The following XKR6 variants were observed in gnomAD, a reference collection of about 807,000 sequenced individuals.
XKR6 encodes the protein XK-related protein 6.
In XKR6, 22 loss-of-function variants were observed where a neutral mutation model predicts 56.7. The ratio of observed to expected loss-of-function variants is 0.39; its 90% CI spans 0.28 to 0.55. The LOEUF (loss-of-function observed/expected upper bound fraction) is 0.55. XKR6 is among the 20% of genes least tolerant of loss of function. The probability of loss-of-function intolerance (pLI) is 0.66; values close to 1 mark genes in which losing one functional copy is unlikely to be tolerated. For synonymous variants in XKR6, 524 were observed against 387.8 expected, an observed-to-expected ratio of 1.35 and a Z score of -4.13; for missense variants, 852 against 889.0, an observed-to-expected ratio of 0.96 and a Z score of 0.53.
At chr8:10,981,289 T>C (rs746712963) in intron 1 of XKR6, among the ~76,000 whole-genome samples, 37 of 152,212 alleles carry the variant, frequency 2.4e-4, no homozygotes, top group Non-Finnish European at 4.8e-4. Context: ...ATTGCTCCCA[T>C]GGCAGGATTA....
intron 2 of XKR6, among the ~76,000 whole-genome samples, chr8:10,912,411 G>A (rs1375941911): frequency 7.6e-6 from 1 of 131,184 alleles, no homozygotes; most frequent in Admixed American, 8.0e-5. Flanking sequence ...TATATAAAGA[G>A]AGTGAGCATA....
rs560775983 is a variant in XKR6 at position 11,018,359 on chromosome 8, G to C, written c.765-93529C>G. On this transcript the variant is annotated intron_variant, in intron 1 of 2. Transcript: ENST00000416569. ...TGCTGTGCACAGCTCCTCACCTGCAGAGATATTTGACAGGCAGCATCCCAG... is the reference window on the plus strand; with the variant it reads ...TGCTGTGCACAGCTCCTCACCTGCACAGATATTTGACAGGCAGCATCCCAG... Among the ~76,000 whole-genome samples, 11 of 152,330 alleles carry C rather than the reference G, an allele frequency of 7.2e-5. No individual in the cohort carries two copies. The South Asian group carries it at 2.1e-3, about 29-fold the overall frequency.
At chr8:11,165,534 C>T (rs1037500549) in intron 1 of XKR6, among the ~76,000 whole-genome samples, 7 of 152,172 alleles carry the variant, frequency 4.6e-5, no homozygotes, top group African/African-American at 1.7e-4. Flanking sequence ...AGATGGCATG[C>T]TCTCTTGGGC....
chr8:10,911,950 G>C lies in XKR6; in HGVS notation c.961+12684C>G, dbSNP rs1004792529. Among the ~76,000 whole-genome samples, 27 of 149,084 alleles carry C rather than the reference G, an allele frequency of 1.8e-4. 1 individual carries two copies. Among genetic ancestry groups the C allele is most frequent in the African/African-American group, 6.7e-4 (27 of 40,572 alleles). On this transcript the variant is annotated intron_variant, in intron 2 of 2. Coordinates refer to ENST00000416569, the MANE Select transcript of XKR6 (RefSeq NM_173683.4). ...GAGACTGTATACATATATGTAGAGA[G>C]AGAGGTTGAGTTTACACATATATAT...
At chr8:11,058,560 C>A (rs1323359275) in intron 1 of XKR6, among the ~76,000 whole-genome samples, 3 of 152,158 alleles carry the variant, frequency 2.0e-5, no homozygotes, top group African/African-American at 4.8e-5. Context: ...AGCTGGAAGC[C>A]ATCATTCTCA....
intron 1 of XKR6, among the ~76,000 whole-genome samples, chr8:11,006,938 A>G (rs1252691032): frequency 6.6e-6 from 1 of 152,216 alleles, no homozygotes; most frequent in Non-Finnish European, 1.5e-5. Flanking sequence ...GATTGGTCCA[A>G]GTCAAGCAGT....
At chr8:11,149,431 A>C (rs1055556169) in intron 1 of XKR6, among the ~76,000 whole-genome samples, 15 of 152,230 alleles carry the variant, frequency 9.9e-5, no homozygotes, top group African/African-American at 1.4e-4. Context: ...CTGTACACCA[A>C]AATGTCATTA....
intron 1 of XKR6, among the ~76,000 whole-genome samples, chr8:10,983,466 T>C (rs554725537): frequency 1.3e-4 from 19 of 151,828 alleles, no homozygotes; most frequent in Non-Finnish European, 2.8e-4. Flanking sequence ...AAAACCAACC[T>C]CTGGAAAGAT....
chr8:11,066,083 G>A (rs561468458), intron 1 of XKR6, among the ~76,000 whole-genome samples: 9 of 152,202 alleles, frequency 5.9e-5, no homozygotes, highest in African/African-American at 1.2e-4. Context: ...TGACTTTGGC[G>A]TTTTCCGTTG....
rs539608514 is a variant in XKR6, at chr8:11,200,324, GC to G, written c.764+251del. On this transcript the variant is annotated intron_variant, in intron 1 of 2. Transcript: ENST00000416569. This position sits in a 1 kb window ranked among gnomAD's most constrained non-coding sequence, Gnocchi z 6.4. The stretch of plus-strand genomic sequence containing the variant: ...GAGGGGACGGGGAGGGCAGGTTGGG[GC>G]AAGAGCCCCGCCGAGTGCGAAGCGG... Among the ~76,000 whole-genome samples the G allele has an allele frequency of 3.3e-5, 5 of 152,334 alleles. No individual in the cohort carries two copies. The South Asian group carries it at 1.0e-3, about 32-fold the overall frequency.
intron 1 of XKR6, among the ~76,000 whole-genome samples, chr8:11,146,114 G>C (rs1800969835): frequency 6.6e-6 from 1 of 152,122 alleles, no homozygotes; most frequent in Non-Finnish European, 1.5e-5. Context: ...AATAGTAATA[G>C]AACAACTGAA....
At chr8:11,079,359 A>C (rs1443332649) in intron 1 of XKR6, among the ~76,000 whole-genome samples, 2 of 152,388 alleles carry the variant, frequency 1.3e-5, no homozygotes, top group South Asian at 2.1e-4. Flanking sequence ...GCTTTTAAAA[A>C]TAAAGAAGCA....
intron 1 of XKR6, among the ~76,000 whole-genome samples, chr8:11,135,158 T>C (rs1800322957): frequency 6.6e-6 from 1 of 150,932 alleles, no homozygotes; most frequent in African/African-American, 2.5e-5. Flanking sequence ...GCCTCCCGAG[T>C]AGCTGGGACT....
chr8:11,052,117 C>G (rs1052506724), intron 1 of XKR6, among the ~76,000 whole-genome samples: 1 of 152,172 alleles, frequency 6.6e-6, no homozygotes, highest in African/African-American at 2.4e-5. Context: ...CCCTCTGCTC[C>G]AACCAAACTG....
intron 1 of XKR6, among the ~76,000 whole-genome samples, chr8:10,965,742 T>G (rs1421759357): frequency 6.6e-6 from 1 of 152,188 alleles, no homozygotes; most frequent in African/African-American, 2.4e-5. Context: ...ATTTGGCAGT[T>G]TAACTCTTAC....
At chr8:10,951,284 AGTGT>A (rs1430390819) in intron 1 of XKR6, among the ~76,000 whole-genome samples, 1 of 91,698 alleles carries the variant, frequency 1.1e-5, no homozygotes, top group South Asian at 3.8e-4. Context: ...GGGATAGAAA[AGTGT>A]GTGTGTGTGT....
intron 1 of XKR6, among the ~76,000 whole-genome samples, chr8:11,051,130 CTTG>C (rs1384546911): frequency 6.6e-6 from 1 of 152,124 alleles, no homozygotes; most frequent in Non-Finnish European, 1.5e-5. Context: ...CTCCCTTGGC[CTTG>C]TTGTAGCATT....
At chr8:11,123,238 G>C (rs1334668822) in intron 1 of XKR6, 1 of 109,554 alleles carries the variant, frequency 9.1e-6, no homozygotes, top group Non-Finnish European at 1.7e-5. Context: ...CTGTGTAGAA[G>C]GAAAAAAAAA....
chr8:11,121,399 A>G (rs1341879709), intron 1 of XKR6, among the ~76,000 whole-genome samples: 2 of 152,002 alleles, frequency 1.3e-5, no homozygotes, highest in African/African-American at 4.8e-5. Context: ...ACACTTCTCA[A>G]AAGACATTTA....
Sources: gnomAD v4.1 joint callset for allele counts (sites outside exome capture counted in the v4.1 genomes callset) on GRCh38, gnomAD v4.1.1 for gene constraint, Gnocchi (gnomAD v3.1) non-coding constraint, MANE v1.5 for transcripts, NCBI Gene and HGNC (gene_info 2026-07-23, HGNC 2026-07-21) for gene names.